Variants in ANK3 observed in about 807,000 individuals in gnomAD.
ANK3 encodes ankyrin 3.
A neutral mutation model predicts 370.9 loss-of-function variants in ANK3; 57 were observed. The ratio of observed to expected loss-of-function variants is 0.15; its 90% confidence interval spans 0.12 to 0.19. ANK3 has a LOEUF of 0.19. Ranked by LOEUF, ANK3 falls within the 10% of genes least tolerant of loss-of-function variation. The probability of loss-of-function intolerance (pLI) is 1.00; values close to 1 mark genes in which losing one functional copy is unlikely to be tolerated. For synonymous variants in ANK3, 1,929 were observed against 1,946.3 expected (o/e 0.99, Z 0.23); for missense variants, 4,439 against 5,302.1 (o/e 0.84, Z 5.06).
chr10:60,334,978 C>A (rs562896610), intron 1 of ANK3, among the ~76,000 whole-genome samples: 1 of 152,016 alleles, frequency 6.6e-6, no homozygotes, highest in Admixed American at 6.6e-5. Flanking sequence ...TGGCTTTATA[C>A]GACCTTATAT....
rs781139582 is a variant in ANK3, at chr10:60,070,401, T to G, written c.10480A>C (p.Thr3494Pro). The part of the protein sequence containing the change: ...SSSSEKTPDK[T>P]DQKSGAQFFT... ...AACTGGGCCCCTGACTTCTGATCAG[T>G]CTTATCAGGAGTCTTTTCAGATGAA... The change falls in exon 37 of 44, where the codon ACT becomes CCT. Residue 3494 changes from threonine (T) to proline (P), a missense_variant. Coordinates refer to ENST00000280772, the MANE Select transcript of ANK3 (RefSeq NM_020987.5). The surrounding 1 kb of genome is among the most constrained non-coding windows in gnomAD (Gnocchi z 5.7). 1 of 1,614,120 alleles carries G rather than the reference T, an allele frequency of 6.2e-7. No homozygotes were observed. Among genetic ancestry groups the G allele is most frequent in the Non-Finnish European group, 8.5e-7 (1 of 1,180,014 alleles).
chr10:60,505,313 GAT>G (rs1024744731), intron 2 of ANK3, among the ~76,000 whole-genome samples: 1 of 151,638 alleles, frequency 6.6e-6, no homozygotes, highest in Non-Finnish European at 1.5e-5. Context: ...TAGCATAAAA[GAT>G]ATATATATAA....
intron 1 of ANK3, among the ~76,000 whole-genome samples, chr10:60,652,413 C>T (rs1025993606): frequency 1.3e-5 from 2 of 151,498 alleles, no homozygotes; most frequent in Admixed American, 6.6e-5. Context: ...AAAACAACAA[C>T]GAAAACTATA....
chr10:60,602,939 T>G (rs1223384239), intron 2 of ANK3, among the ~76,000 whole-genome samples: 1 of 152,096 alleles, frequency 6.6e-6, no homozygotes, highest in Non-Finnish European at 1.5e-5. Flanking sequence ...TTTCACACAT[T>G]TAAATTTTTC....
intron 1 of ANK3, among the ~76,000 whole-genome samples, chr10:60,667,957 G>T (rs1307524605): frequency 6.6e-6 from 1 of 150,716 alleles, no homozygotes; most frequent in Non-Finnish European, 1.5e-5. Context: ...TCAGATTGCT[G>T]GGAACCATCC....
intron 1 of ANK3, among the ~76,000 whole-genome samples, chr10:60,639,518 C>T (rs2133348900): frequency 2.0e-5 from 3 of 151,404 alleles, no homozygotes; most frequent in Middle Eastern, 6.8e-3. Context: ...ATAACAATTA[C>T]ATATTATGGT....
At chr10:60,422,162 C>T (rs2063791163) in intron 2 of ANK3, among the ~76,000 whole-genome samples, 1 of 151,996 alleles carries the variant, frequency 6.6e-6, no homozygotes, top group African/African-American at 2.4e-5. Context: ...TTTTGAACAA[C>T]TTCCACCAAA....
intron 2 of ANK3, among the ~76,000 whole-genome samples, chr10:60,410,912 A>G (rs938828834): frequency 1.3e-5 from 2 of 151,852 alleles, no homozygotes; most frequent in African/African-American, 4.8e-5. Flanking sequence ...GGCCTCAGGC[A>G]ATCCTCCTGT....
At chr10:60,566,780 G>A (rs766070237) in intron 2 of ANK3, among the ~76,000 whole-genome samples, 2 of 152,190 alleles carry the variant, frequency 1.3e-5, no homozygotes, top group Non-Finnish European at 2.9e-5. Context: ...GAAGACTGAA[G>A]TGGAGGATTG....
chr10:60,099,894 G>A (rs564048766), intron 28 of ANK3, among the ~76,000 whole-genome samples: 6 of 151,926 alleles, frequency 3.9e-5, no homozygotes, highest in South Asian at 2.1e-4. Flanking sequence ...GTCCAACCTC[G>A]TGGACCTGCT....
chr10:60,106,455 A>T (rs1055038156), intron 27 of ANK3, among the ~76,000 whole-genome samples: 10 of 151,642 alleles, frequency 6.6e-5, no homozygotes, highest in Admixed American at 1.3e-4. Context: ...TCATTTCTTT[A>T]AAAAAAAATT....
intron 7 of ANK3, among the ~76,000 whole-genome samples, chr10:60,242,031 G>T (rs2097468430): frequency 6.6e-6 from 1 of 152,084 alleles, no homozygotes; most frequent in Non-Finnish European, 1.5e-5. Flanking sequence ...CTAATGTGTG[G>T]ATTTTTGTTC....
intron 2 of ANK3, among the ~76,000 whole-genome samples, chr10:60,555,994 C>G (rs1257840074): frequency 6.6e-6 from 1 of 152,200 alleles, no homozygotes; most frequent in Non-Finnish European, 1.5e-5. Flanking sequence ...GTATAGCTCA[C>G]CTGGTACTGC....
chr10:60,518,042 C>A (rs1022792571), intron 2 of ANK3, among the ~76,000 whole-genome samples: 1 of 152,090 alleles, frequency 6.6e-6, no homozygotes, highest in Non-Finnish European at 1.5e-5. Context: ...ACTGGCTTAG[C>A]AAAGCCCTGA....
intron 2 of ANK3, among the ~76,000 whole-genome samples, chr10:60,558,990 G>C (rs2077272708): frequency 6.6e-6 from 1 of 152,076 alleles, no homozygotes; most frequent in African/African-American, 2.4e-5. Context: ...TGGGAGACAA[G>C]GACCTGTATT....
At chr10:60,066,359 A>G (rs914622604) in intron 38 of ANK3, among the ~76,000 whole-genome samples, 1 of 152,236 alleles carries the variant, frequency 6.6e-6, no homozygotes, top group African/African-American at 2.4e-5. Context: ...TAATAATGCA[A>G]AACAAACATT....
rs550644184 is a variant in ANK3 at position 60,354,476 on chromosome 10, T to C, written c.114+34949A>G. Among the ~76,000 whole-genome samples, 5 of 152,388 alleles carry C rather than the reference T, an allele frequency of 3.3e-5. 1 individual carries two copies. In the East Asian group the frequency reaches 7.7e-4, roughly 23 times the overall value. On this transcript the variant is annotated intron_variant, in intron 1 of 43. Coordinates refer to ENST00000280772, the MANE Select transcript of ANK3 (RefSeq NM_020987.5). Reference sequence around the variant, plus strand: ...TTACCACAAAAAAAGACAGATACTATCTTCAAACTCAATAGAATACTGAAT... The same window carrying C: ...TTACCACAAAAAAAGACAGATACTACCTTCAAACTCAATAGAATACTGAAT...
chr10:60,660,237 A>G (rs1319559018), intron 1 of ANK3, among the ~76,000 whole-genome samples: 1 of 152,126 alleles, frequency 6.6e-6, no homozygotes, highest in Non-Finnish European at 1.5e-5. Context: ...CAGGCACTAA[A>G]ATATTTCTTG....
At chr10:60,547,089 CTTTTTTTTTT>C (rs5785455) in intron 2 of ANK3, among the ~76,000 whole-genome samples, 1 of 120,780 alleles carries the variant, frequency 8.3e-6, no homozygotes, top group Non-Finnish European at 1.6e-5. Context: ...CAATGCAACT[CTTTTTTTTTT>C]TTTTTTTTTG....
Sources: gnomAD v4.1 joint callset for allele counts (sites outside exome capture counted in the v4.1 genomes callset) on GRCh38, gnomAD v4.1.1 for gene constraint, Gnocchi (gnomAD v3.1) non-coding constraint, MANE v1.5 for transcripts, NCBI Gene and HGNC (gene_info 2026-07-23, HGNC 2026-07-21) for gene names.